Variants in PTPRM observed in about 807,000 individuals in gnomAD.
The protein encoded by PTPRM is receptor-type tyrosine-protein phosphatase mu.
PTPRM carries 47 observed loss-of-function variants against 186.7 expected under a neutral mutation model. The ratio of observed to expected loss-of-function variants is 0.25; its 90% CI spans 0.20 to 0.32. The LOEUF (loss-of-function observed/expected upper bound fraction) is 0.32. Ranked by LOEUF, PTPRM falls within the 10% of genes least tolerant of loss-of-function variation. The pLI, the probability that PTPRM is intolerant of heterozygous loss-of-function variation, is 1.00. For missense variants in PTPRM, 1,494 were observed against 1,865.0 expected (o/e 0.80, Z 3.66); for synonymous variants, 668 against 674.9 (o/e 0.99, Z 0.16).
intron 1 of PTPRM, among the ~76,000 whole-genome samples, chr18:7,708,503 C>T (rs1051646282): frequency 4.6e-5 from 7 of 152,164 alleles, no homozygotes; most frequent in Admixed American, 2.6e-4. Flanking sequence ...AAGCCTTCAA[C>T]CTGCTGTTGT....
intron 2 of PTPRM, among the ~76,000 whole-genome samples, chr18:7,808,236 C>T (rs755585915): frequency 6.6e-6 from 1 of 152,172 alleles, no homozygotes; most frequent in African/African-American, 2.4e-5. Context: ...TTTTCTGGCA[C>T]TCCCTTGGAT....
At chr18:7,981,006 C>T (rs760240389) in intron 7 of PTPRM, among the ~76,000 whole-genome samples, 2 of 152,174 alleles carry the variant, frequency 1.3e-5, no homozygotes, top group Non-Finnish European at 2.9e-5. Context: ...GGCCCCCTCT[C>T]CATCAGTTCC....
chr18:8,376,781 C>CAAAA (rs2095698776), intron 26 of PTPRM, 184 bp downstream of exon 26: 1 of 698,812 alleles, frequency 1.4e-6, no homozygotes, highest in African/African-American at 1.9e-5. Flanking sequence ...CATAAACAAA[C>CAAAA]CAAACAAACC....
intron 2 of PTPRM, among the ~76,000 whole-genome samples, chr18:7,822,750 C>T (rs1345616680): frequency 6.6e-6 from 1 of 152,178 alleles, no homozygotes; most frequent in Admixed American, 6.5e-5. Flanking sequence ...TTCTACTCTG[C>T]CTTCTTAGTT....
chr18:7,657,400 G>C lies in PTPRM; in HGVS notation c.73+89509G>C, dbSNP rs76842542. On this transcript the variant is annotated intron_variant, in intron 1 of 32. Transcript: ENST00000580170. ...TCCTTTCTGATGATAGATTGAGGGA[G>C]ACAAGCAGCACATGAGTAGACACAC... is the stretch of plus-strand genomic sequence containing the variant. 4.0e-3 allele frequency among the ~76,000 whole-genome samples: 606 copies of C among 152,330 alleles called. 5 individuals are homozygous for C. Among genetic ancestry groups the C allele is most frequent in the African/African-American group, 0.014 (583 of 41,578 alleles).
intron 14 of PTPRM, among the ~76,000 whole-genome samples, chr18:8,232,383 G>A (rs918187581): frequency 1.3e-5 from 2 of 152,160 alleles, no homozygotes; most frequent in African/African-American, 4.8e-5. Context: ...CTTCCAAATT[G>A]TCAGTTATGG....
intron 1 of PTPRM, among the ~76,000 whole-genome samples, chr18:7,602,087 G>A (rs1006832364): frequency 8.5e-5 from 13 of 152,130 alleles, no homozygotes; most frequent in Admixed American, 3.3e-4. Context: ...AACTTGCTAC[G>A]GTCTGCTTAG....
intron 2 of PTPRM, among the ~76,000 whole-genome samples, chr18:7,863,688 G>C (rs2047515998): frequency 6.6e-6 from 1 of 152,140 alleles, no homozygotes; most frequent in Admixed American, 6.6e-5. Context: ...ATAGTAGAAT[G>C]ATTTATAATC....
At chr18:8,321,279 AT>A (rs375108837) in intron 22 of PTPRM, among the ~76,000 whole-genome samples, 35 of 152,324 alleles carry the variant, frequency 2.3e-4, no homozygotes, top group African/African-American at 8.2e-4. Flanking sequence ...TAACAAGAAC[AT>A]TAAGTTGCTC....
At chr18:8,282,703 A>G (rs1044117273) in intron 19 of PTPRM, among the ~76,000 whole-genome samples, 6 of 152,158 alleles carry the variant, frequency 3.9e-5, no homozygotes, top group Admixed American at 3.3e-4. Context: ...CAGATTTACT[A>G]CATGACCCAG....
At chr18:8,159,359 G>A (rs1023184830) in intron 14 of PTPRM, among the ~76,000 whole-genome samples, 2 of 152,158 alleles carry the variant, frequency 1.3e-5, no homozygotes, top group African/African-American at 4.8e-5. Flanking sequence ...TGTGCCGTTT[G>A]CTTATGGCAC....
chr18:8,227,862 C>T lies in PTPRM; in HGVS notation c.2301-16196C>T, dbSNP rs893639662. ...AGCTGTGAGTGGGGACCCACTATCACTAATGTCACTTGATTCCCATCTTGC... is the reference window on the plus strand; with the variant it reads ...AGCTGTGAGTGGGGACCCACTATCATTAATGTCACTTGATTCCCATCTTGC... On this transcript the variant is annotated intron_variant, in intron 14 of 32. Transcript: ENST00000580170. Among the ~76,000 whole-genome samples the T allele has an allele frequency of 3.3e-5, 5 of 152,180 alleles. No individual in the cohort carries two copies. The East Asian group carries it at 9.6e-4, about 29-fold the overall frequency.
chr18:7,702,811 G>A (rs1054060996), intron 1 of PTPRM, among the ~76,000 whole-genome samples: 4 of 152,178 alleles, frequency 2.6e-5, no homozygotes, highest in African/African-American at 7.2e-5. Flanking sequence ...TGCTTCTAGG[G>A]TTTTTATGGT....
intron 2 of PTPRM, among the ~76,000 whole-genome samples, chr18:7,794,218 G>T (rs2145244684): frequency 6.6e-6 from 1 of 152,270 alleles, no homozygotes; most frequent in South Asian, 2.1e-4. Flanking sequence ...TAGGGCAGGG[G>T]GTCTAATTGA....
At chr18:8,054,297 TAA>T (rs1491315494) in intron 7 of PTPRM, among the ~76,000 whole-genome samples, 593 of 22,804 alleles carry the variant, frequency 0.026, 23 homozygotes, top group African/African-American at 0.056. Flanking sequence ...CTAGTAGTAG[TAA>T]TATATATATA....
intron 1 of PTPRM, among the ~76,000 whole-genome samples, chr18:7,700,993 A>AAAAAAAAAAAAAAAAAAG (rs10653685): frequency 2.8e-5 from 3 of 107,318 alleles, no homozygotes; most frequent in Non-Finnish European, 5.1e-5. Context: ...AAAAAAAAAA[A>AAAAAAAAAAAAAAAAAAG]AAAGAAAGAA....
At chr18:7,817,538 T>C (rs2044904627) in intron 2 of PTPRM, among the ~76,000 whole-genome samples, 1 of 152,222 alleles carries the variant, frequency 6.6e-6, no homozygotes, top group Non-Finnish European at 1.5e-5. Flanking sequence ...AAATATAAAA[T>C]GTGTTTTTTA....
chr18:7,675,206 A>G (rs1401578130), intron 1 of PTPRM, among the ~76,000 whole-genome samples: 2 of 152,232 alleles, frequency 1.3e-5, no homozygotes, highest in Non-Finnish European at 2.9e-5. Context: ...TTGTTGGCGG[A>G]GTCCTTAGAT....
intron 1 of PTPRM, among the ~76,000 whole-genome samples, chr18:7,610,823 G>A (rs546249325): frequency 6.6e-6 from 1 of 152,298 alleles, no homozygotes; most frequent in South Asian, 2.1e-4. Context: ...TGTTATTTTA[G>A]AGTGTACTGC....
Sources: gnomAD v4.1 joint callset for allele counts (sites outside exome capture counted in the v4.1 genomes callset) on GRCh38, gnomAD v4.1.1 for gene constraint, MANE v1.5 for transcripts, NCBI Gene and HGNC (gene_info 2026-07-23, HGNC 2026-07-21) for gene names.